DHRS7B: variants seen among roughly 807,000 people sequenced by gnomAD.
DHRS7B encodes the protein peroxisomal reductase activating PPAR-gamma.
Under a neutral mutation model 26.4 loss-of-function variants are expected in DHRS7B, and 24 were observed. The observed-to-expected ratio is 0.91, with a 90% CI of 0.66 to 1.28. The LOEUF (loss-of-function observed/expected upper bound fraction) is 1.28, where lower values mean the gene tolerates loss of function less well. Among genes scored for constraint, DHRS7B ranks in the 50% most tolerant of loss-of-function variants. The pLI is 0.00. For synonymous variants in DHRS7B, 142 were observed against 166.4 expected, an observed-to-expected ratio of 0.85 and a Z score of 1.13; for missense variants, 368 against 419.4, an observed-to-expected ratio of 0.88 and a Z score of 1.07.
At chr17:21,150,343 A>C (rs368986739) in intron 1 of DHRS7B, among the ~76,000 whole-genome samples, 1 of 152,090 alleles carries the variant, frequency 6.6e-6, no homozygotes, top group South Asian at 2.1e-4. Context: ...TTGTCCGGGC[A>C]TGGTGGCTCA....
chr17:21,170,673 T>C (rs1212411330), intron 1 of DHRS7B, among the ~76,000 whole-genome samples: 1 of 152,176 alleles, frequency 6.6e-6, no homozygotes, highest in East Asian at 1.9e-4. Flanking sequence ...CTAGTTCAGT[T>C]GACAGTTCCG....
intron 1 of DHRS7B, among the ~76,000 whole-genome samples, chr17:21,139,492 G>C (rs1973440684): frequency 6.6e-6 from 1 of 152,044 alleles, no homozygotes; most frequent in Non-Finnish European, 1.5e-5. Context: ...TGACCAATGT[G>C]GTGAAACCCT....
chr17:21,151,712 T>C (rs1242681219), intron 1 of DHRS7B, among the ~76,000 whole-genome samples: 1 of 152,082 alleles, frequency 6.6e-6, no homozygotes, highest in African/African-American at 2.4e-5. Flanking sequence ...AGTCCTGTGG[T>C]AGGAAAACAT....
intron 1 of DHRS7B, among the ~76,000 whole-genome samples, chr17:21,132,331 T>A (rs1973246971): frequency 9.9e-6 from 1 of 101,418 alleles, no homozygotes; most frequent in African/African-American, 4.7e-5. Flanking sequence ...GGAGACCCCA[T>A]CTCTTAAAAA....
At position 21,141,250 on chromosome 17, in the gene DHRS7B, C is replaced by T. The variant is rs539016069; in HGVS notation, c.20+14259C>T. On this transcript the variant is annotated intron_variant, in intron 1 of 6. Transcript: ENST00000395511. The stretch of plus-strand genomic sequence containing the variant: ...TGCCTTCTGGCTGGGAGGAGCAAAA[C>T]ACCCTTTTTCTTCTCAACTGACAAA... 2.6e-5 allele frequency among the ~76,000 whole-genome samples: 4 copies of T among 152,272 alleles called. No individual in the cohort carries two copies. In the East Asian group the frequency reaches 7.7e-4, roughly 29 times the overall value.
At chr17:21,139,662 G>A (rs1039941756) in intron 1 of DHRS7B, among the ~76,000 whole-genome samples, 8 of 151,346 alleles carry the variant, frequency 5.3e-5, no homozygotes, top group African/African-American at 2.4e-5. Context: ...GTGACAGAGC[G>A]AGACTCCATC....
intron 1 of DHRS7B, among the ~76,000 whole-genome samples, chr17:21,163,287 A>T (rs1974040961): frequency 6.6e-6 from 1 of 152,120 alleles, no homozygotes. Context: ...CATTGTCAGG[A>T]CACTAGGGGG....
chr17:21,189,997 A>G (rs1419955428), intron 6 of DHRS7B, among the ~76,000 whole-genome samples: 1 of 151,976 alleles, frequency 6.6e-6, no homozygotes, highest in Admixed American at 6.6e-5. Context: ...GCAAGACCTA[A>G]CCTCCACAAA....
intron 1 of DHRS7B, among the ~76,000 whole-genome samples, chr17:21,141,239 G>T (rs746013346): frequency 6.6e-6 from 1 of 152,122 alleles, no homozygotes; most frequent in Non-Finnish European, 1.5e-5. Flanking sequence ...TTCTGGCTGG[G>T]AGGAGCAAAA....
At chr17:21,130,052 A>G (rs957304839) in intron 1 of DHRS7B, among the ~76,000 whole-genome samples, 1 of 152,188 alleles carries the variant, frequency 6.6e-6, no homozygotes, top group African/African-American at 2.4e-5. Flanking sequence ...CTAAACTTCC[A>G]CAGTGATAGG....
chr17:21,182,763 T>A (rs1974541922), intron 3 of DHRS7B, among the ~76,000 whole-genome samples: 1 of 152,226 alleles, frequency 6.6e-6, no homozygotes, highest in African/African-American at 2.4e-5. Flanking sequence ...TGGTGAATAA[T>A]CCTTTTAATA....
At chr17:21,163,313 G>GT (rs1341176375) in intron 1 of DHRS7B, among the ~76,000 whole-genome samples, 1 of 152,118 alleles carries the variant, frequency 6.6e-6, no homozygotes, top group Non-Finnish European at 1.5e-5. Flanking sequence ...TACTTCTGGA[G>GT]TTTTTTTCAG....
At chr17:21,178,475 C>A in intron 3 of DHRS7B, 133 bp downstream of exon 3, 1 of 724,480 alleles carries the variant, frequency 1.4e-6, no homozygotes, top group Non-Finnish European at 2.3e-6. Flanking sequence ...GGGAAGGCAG[C>A]AGGTCTCCAT....
intron 3 of DHRS7B, among the ~76,000 whole-genome samples, chr17:21,180,850 G>C (rs949733919): frequency 7.3e-6 from 1 of 137,598 alleles, no homozygotes; most frequent in Non-Finnish European, 1.5e-5. Context: ...AACTGCCAGT[G>C]GGATTTTGAT....
chr17:21,140,531 CA>C (rs1567616915), intron 1 of DHRS7B, among the ~76,000 whole-genome samples: 31 of 150,668 alleles, frequency 2.1e-4, no homozygotes, highest in Non-Finnish European at 3.1e-4. Flanking sequence ...CACACACACA[CA>C]CACACACCCT....
intron 1 of DHRS7B, among the ~76,000 whole-genome samples, chr17:21,148,965 C>G (rs368785536): frequency 6.6e-6 from 1 of 151,980 alleles, no homozygotes; most frequent in Non-Finnish European, 1.5e-5. Flanking sequence ...TATTTGGGAA[C>G]AGGAAAATCA....
chr17:21,186,632 C>T (rs546790208), intron 5 of DHRS7B, among the ~76,000 whole-genome samples: 13 of 152,324 alleles, frequency 8.5e-5, no homozygotes, highest in African/African-American at 2.6e-4. Flanking sequence ...CCTTAGCTGA[C>T]GGATGCCCCT....
intron 1 of DHRS7B, chr17:21,166,268 T>C (rs960900492): frequency 3.0e-6 from 3 of 985,324 alleles, no homozygotes; most frequent in Non-Finnish European, 3.6e-6. Context: ...GGTTTTATTT[T>C]TACTAAAGCC....
chr17:21,175,666 A>G (rs2144154238), intron 2 of DHRS7B, among the ~76,000 whole-genome samples: 1 of 152,362 alleles, frequency 6.6e-6, no homozygotes, highest in African/African-American at 2.4e-5. Flanking sequence ...GGCCAGGTGC[A>G]GTGGCTCATG....
Sources: gnomAD v4.1 joint callset for allele counts (sites outside exome capture counted in the v4.1 genomes callset) on GRCh38, gnomAD v4.1.1 for gene constraint, MANE v1.5 for transcripts, NCBI Gene and HGNC (gene_info 2026-07-23, HGNC 2026-07-21) for gene names.